The following SMG1 variants were observed in gnomAD, a reference collection of about 807,000 sequenced individuals.
The protein encoded by SMG1 is serine/threonine-protein kinase SMG1.
SMG1 carries 22 observed loss-of-function variants against 419.9 expected under a neutral mutation model. That is an observed-to-expected ratio of 0.05 (90% CI 0.04 to 0.07). The LOEUF (loss-of-function observed/expected upper bound fraction) is 0.07. Among genes scored for constraint, SMG1 ranks in the 10% least tolerant of loss-of-function variants. The probability of loss-of-function intolerance (pLI) is 1.00; values close to 1 mark genes in which losing one functional copy is unlikely to be tolerated. For synonymous variants in SMG1, 1,538 were observed against 1,553.5 expected, an observed-to-expected ratio of 0.99 and a Z score of 0.23; for missense variants, 3,185 against 4,342.0, an observed-to-expected ratio of 0.73 and a Z score of 7.49.
chr16:18,874,560 TA>T (rs531685275), intron 13 of SMG1, among the ~76,000 whole-genome samples: 79,429 of 110,572 alleles, frequency 0.72, 28,415 homozygotes, highest in Non-Finnish European at 0.79. Flanking sequence ...TCGAATTACT[TA>T]AAAAAAAAAA....
At chr16:18,896,019 G>A in intron 3 of SMG1, 33 bp downstream of exon 3, 1 of 1,599,334 alleles carries the variant, frequency 6.3e-7, no homozygotes, top group African/African-American at 1.3e-5. Flanking sequence ...TTTGGAAGGT[G>A]TATGTGATTG....
chr16:18,892,659 T>G (rs2036936206), intron 3 of SMG1, among the ~76,000 whole-genome samples: 1 of 152,106 alleles, frequency 6.6e-6, no homozygotes, highest in Admixed American at 6.5e-5. Context: ...CTGGAGCCCG[T>G]GAGGCGGAGG....
rs1334432633 is a variant in SMG1, at chr16:18,858,758, C to A, written c.4113+264G>T. ...AATTTACGTAATCCGCCTAAAGGAA[C>A]TGTCTTTACATACACCACCTCCCAC... is the stretch of plus-strand genomic sequence containing the variant. On this transcript the variant is annotated intron_variant, in intron 28 of 62. Coordinates refer to ENST00000446231, the MANE Select transcript of SMG1 (RefSeq NM_015092.5). 6 of 318,900 alleles carry A rather than the reference C, an allele frequency of 1.9e-5. No individual in the cohort carries two copies. In the South Asian group the frequency reaches 3.5e-4, roughly 19 times the overall value. The allele number at this position is 318,900 out of a possible 1,614,324, so 19.8% of individuals were successfully genotyped here.
At chr16:18,866,535 T>C (rs1175334931) in intron 23 of SMG1, 86 bp downstream of exon 23, 20 of 1,223,750 alleles carry the variant, frequency 1.6e-5, no homozygotes, top group Non-Finnish European at 2.3e-5. Flanking sequence ...AAAGCTGTTT[T>C]AAGATTTGGC....
chr16:18,819,711 G>A (rs1285001773), intron 55 of SMG1, 57 bp from the exon 56 acceptor site: 20 of 1,438,700 alleles, frequency 1.4e-5, no homozygotes, highest in Non-Finnish European at 1.8e-5. Context: ...CTTCCTATTT[G>A]TGGAGTATTT....
intron 1 of SMG1, among the ~76,000 whole-genome samples, chr16:18,901,971 G>A (rs951709000): frequency 1.3e-5 from 2 of 148,618 alleles, no homozygotes; most frequent in Non-Finnish European, 3.0e-5. Context: ...GGTGGCGGTG[G>A]GGGGAAGGTG....
chr16:18,900,170 A>T, intron 1 of SMG1: 1 of 541,348 alleles, frequency 1.8e-6, no homozygotes, highest in East Asian at 2.9e-5. Flanking sequence ...TAGGGTTCAT[A>T]CATTAAAGCA....
rs777733945 is a variant in SMG1, at chr16:18,849,293, A to G, written c.5547T>C (p.Ala1849=). 7.4e-6 allele frequency: 12 copies of G among 1,613,796 alleles called. No individual in the cohort carries two copies. Among genetic ancestry groups the G allele is most frequent in the South Asian group, 3.3e-5 (3 of 91,084 alleles). Residue 1849 remains alanine (A), a synonymous_variant, in exon 36 of 63, where the codon GCT becomes GCC. Transcript: ENST00000446231. ...ACAATATGAGATGTGGGGAATCTTG[A>G]GCCACACGGCAGAGAAGGTTACAAA... ...QSICNLLCRV[A]QDSPHLILYP...
intron 19 of SMG1, 148 bp downstream of exon 19, chr16:18,869,706 T>C (rs1382811740): frequency 4.0e-5 from 28 of 692,184 alleles, no homozygotes; most frequent in Non-Finnish European, 5.1e-5. Flanking sequence ...AATTTTCCTA[T>C]TGATGAAAAC....
chr16:18,845,070 T>C (rs1317143899), intron 39 of SMG1, among the ~76,000 whole-genome samples: 1 of 152,172 alleles, frequency 6.6e-6, no homozygotes, highest in East Asian at 1.9e-4. Context: ...AAAAACTACA[T>C]AGGCACAAAG....
At chr16:18,839,975 G>T in intron 41 of SMG1, 29 bp from the exon 42 acceptor site, 1 of 1,499,466 alleles carries the variant, frequency 6.7e-7, no homozygotes, top group South Asian at 1.3e-5. Context: ...TTTTAAAAAA[G>T]AAAAGATCAA....
Position 18,872,239 on chromosome 16 carries a change from T to A in SMG1, c.2128A>T (p.Ile710Leu). The change falls in exon 15 of 63, where the codon ATA becomes TTA. Residue 710 changes from isoleucine to leucine, a missense_variant. By Grantham distance (5) the Ile-to-Leu change is conservative (BLOSUM62 2). Coordinates refer to ENST00000446231, the MANE Select transcript of SMG1 (RefSeq NM_015092.5). The stretch of plus-strand genomic sequence containing the variant: ...AGTAATATTCCCAGAAGATTTAATA[T>A]AATTGAGAAATGTTTCTTTGTAGCC... ...TTATKKHFSI[I>L]LNLLGILLKK... is the part of the protein sequence containing the mutation. 1 of 1,587,192 alleles carries A rather than the reference T, an allele frequency of 6.3e-7. No individual in the cohort carries two copies. Among genetic ancestry groups the A allele is most frequent in the African/African-American group, 1.3e-5 (1 of 74,316 alleles).
At chr16:18,923,985 C>T (rs1447193395) in intron 1 of SMG1, among the ~76,000 whole-genome samples, 7 of 152,184 alleles carry the variant, frequency 4.6e-5, no homozygotes, top group Non-Finnish European at 1.0e-4. Context: ...TATGTCCACA[C>T]TTCCCTGTTC....
chr16:18,923,879 AT>A (rs1176874767), intron 1 of SMG1, among the ~76,000 whole-genome samples: 1 of 152,136 alleles, frequency 6.6e-6, no homozygotes, highest in Non-Finnish European at 1.5e-5. Context: ...AATTTAACTA[AT>A]AAAAATTTAT....
intron 55 of SMG1, among the ~76,000 whole-genome samples, chr16:18,821,051 G>A (rs1357361583): frequency 6.6e-6 from 1 of 152,070 alleles, no homozygotes; most frequent in Non-Finnish European, 1.5e-5. Flanking sequence ...TACAACATAA[G>A]AAATGCCCAT....
chr16:18,838,535 T>C lies in SMG1; in HGVS notation c.7084+16A>G, dbSNP rs2033722201. ...ACATTTGGCCCTCATAAATGTAAAG[T>C]CTACTTTTATATTACCTTTTTCAAA... On this transcript the variant is annotated intron_variant, in intron 43 of 62. Transcript: ENST00000446231. 2.5e-6 allele frequency: 4 copies of C among 1,613,890 alleles called. No individual in the cohort carries two copies. The East Asian group carries it at 8.9e-5, about 36-fold the overall frequency.
chr16:18,903,752 T>C (rs1385422523), intron 1 of SMG1, among the ~76,000 whole-genome samples: 6 of 152,164 alleles, frequency 3.9e-5, no homozygotes, highest in Non-Finnish European at 8.8e-5. Flanking sequence ...TGTCTAATGT[T>C]TGAGCTCTTC....
At position 18,853,695 on chromosome 16, in the gene SMG1, T is replaced by G. The variant is rs775872587; in HGVS notation, c.4656A>C (p.Gln1552His). The G allele has an allele frequency of 1.9e-6, 3 of 1,613,854 alleles. No individual in the cohort carries two copies. The highest frequency in any genetic ancestry group is 1.1e-5 in the South Asian group (1 of 91,024). The change falls in exon 31 of 63, where the codon CAA becomes CAC. Residue 1552 changes from glutamine to histidine, a missense_variant. This residue lies in a region of SMG1 where 493 missense variants were observed against 552.9 expected (regional missense o/e 0.89). Coordinates refer to ENST00000446231, the MANE Select transcript of SMG1 (RefSeq NM_015092.5). ...QLKQVYRAQH[Q>H]QNFTGLSTLS... ...AAGTAGAAAGACCTGTGAAGTTCTG[T>G]TGGTGCTGAGCTCTGTAAACCTGTT...
At position 18,812,062 on chromosome 16, in the gene SMG1, T is replaced by C. The variant is rs1432901846; in HGVS notation, c.10687A>G (p.Ile3563Val). The C allele has an allele frequency of 6.2e-7, 1 of 1,613,838 alleles. No homozygotes were observed. The highest frequency in any genetic ancestry group is 8.5e-7 in the Non-Finnish European group (1 of 1,179,862). Residue 3563 changes from isoleucine to valine, a missense_variant, in exon 61 of 63, where the codon ATC becomes GTC. By Grantham distance (29) the Ile-to-Val change is conservative. Around this residue, in one of 27 missense-constraint regions of SMG1, gnomAD observed 737 missense variants for 846.6 expected, o/e 0.87. Coordinates refer to ENST00000446231, the MANE Select transcript of SMG1 (RefSeq NM_015092.5). ...DVMSQNARKL[I>V]QKNLATSADT... ...GCTGATGTAGCAAGATTTTTTTGGA[T>C]CAGCTTTCTAGCATTCTGTGACATG...
Sources: gnomAD v4.1 joint callset for allele counts (sites outside exome capture counted in the v4.1 genomes callset) on GRCh38, gnomAD v4.1.1 for gene constraint, gnomAD v4.1.1 regional missense constraint, MANE v1.5 for transcripts, NCBI Gene and HGNC (gene_info 2026-07-23, HGNC 2026-07-21) for gene names.